DLC1: variants seen among roughly 807,000 people sequenced by gnomAD.
DLC1 encodes rho GTPase-activating protein 7.
A neutral mutation model predicts 140.3 loss-of-function variants in DLC1; 54 were observed. That is an observed-to-expected ratio of 0.38 (90% CI 0.31 to 0.48). The LOEUF is 0.48. Ranked by LOEUF, DLC1 falls within the 20% of genes least tolerant of loss-of-function variation. The pLI is 0.96. For missense variants in DLC1, 2,536 were observed against 1,907.0 expected, an observed-to-expected ratio of 1.33 and a Z score of -6.14; for synonymous variants, 986 against 728.1, an observed-to-expected ratio of 1.35 and a Z score of -5.70.
intron 5 of DLC1, among the ~76,000 whole-genome samples, chr8:13,179,629 G>A (rs147083451): frequency 2.0e-5 from 3 of 151,944 alleles, no homozygotes; most frequent in Non-Finnish European, 4.4e-5. Context: ...GCTGAGGTAG[G>A]AGGATTGCTT....
chr8:13,542,558 A>G (rs1343158518), intron 1 of DLC1, among the ~76,000 whole-genome samples: 1 of 152,108 alleles, frequency 6.6e-6, no homozygotes, highest in African/African-American at 2.4e-5. Flanking sequence ...CTTTGAAAGA[A>G]AGTCTTGGAT....
chr8:13,295,914 T>G (rs1342761301), intron 5 of DLC1, among the ~76,000 whole-genome samples: 1 of 146,092 alleles, frequency 6.8e-6, no homozygotes, highest in Non-Finnish European at 1.5e-5. Context: ...TTTGAAGACA[T>G]CTAAGAGATG....
chr8:13,604,585 C>G (rs749756190), exon 1 of DLC1: 1 of 152,190 alleles, frequency 6.6e-6, no homozygotes, highest in South Asian at 2.1e-4. Flanking sequence ...CAGATGAACT[C>G]ACTGCCAATG....
intron 5 of DLC1, among the ~76,000 whole-genome samples, chr8:13,156,091 C>A (rs1346353496): frequency 2.0e-5 from 3 of 152,136 alleles, no homozygotes; most frequent in Non-Finnish European, 2.9e-5. Context: ...GGTACATCAA[C>A]CCATCAAACC....
intron 2 of DLC1, among the ~76,000 whole-genome samples, chr8:13,440,842 T>A (rs1423968128): frequency 6.6e-6 from 1 of 152,160 alleles, no homozygotes; most frequent in Non-Finnish European, 1.5e-5. Flanking sequence ...GAAGTGCCTT[T>A]TGCTTCCCGC....
At chr8:13,390,277 C>T (rs533197787) in intron 4 of DLC1, among the ~76,000 whole-genome samples, 25 of 152,264 alleles carry the variant, frequency 1.6e-4, no homozygotes, top group Admixed American at 2.6e-4. Context: ...TTCATGCATG[C>T]CCCTGCAAAG....
intron 1 of DLC1, among the ~76,000 whole-genome samples, chr8:13,561,421 C>T (rs1486314945): frequency 2.0e-5 from 3 of 152,102 alleles, no homozygotes; most frequent in Non-Finnish European, 2.9e-5. Flanking sequence ...CTTAAAGATC[C>T]TCCTGCTTCA....
At chr8:13,188,823 A>ATG (rs1826558086) in intron 5 of DLC1, among the ~76,000 whole-genome samples, 2 of 38,976 alleles carry the variant, frequency 5.1e-5, no homozygotes, top group African/African-American at 8.7e-5. Flanking sequence ...ATATATATAT[A>ATG]TATGTATATA....
intron 3 of DLC1, among the ~76,000 whole-genome samples, chr8:13,396,617 C>T (rs1166222538): frequency 1.3e-5 from 2 of 152,118 alleles, no homozygotes; most frequent in Non-Finnish European, 2.9e-5. Flanking sequence ...AAAGTCGTAT[C>T]CCAAGGTAGA....
rs185723841 is a variant in DLC1, at chr8:13,321,515, C to T, written c.1315-16213G>A. Among the ~76,000 whole-genome samples, 253 of 121,142 alleles carry T rather than the reference C, an allele frequency of 2.1e-3. 2 individuals carry two copies. In the Admixed American group the frequency reaches 0.026, roughly 12 times the overall value. 79.5% of individuals were successfully genotyped at this position (121,142 alleles called of 152,430 possible). On this transcript the variant is annotated intron_variant, in intron 4 of 17. Transcript: ENST00000276297. ...ATCGCACCACTGCACTCCAGCCTAG[C>T]GACAGAGAGAGACTCAGTCTCAAAA... is the stretch of plus-strand genomic sequence containing the variant.
chr8:13,095,022 C>G (rs889220017), intron 11 of DLC1, 64 bp downstream of exon 11: 97 of 1,613,408 alleles, frequency 6.0e-5, no homozygotes, highest in Non-Finnish European at 7.6e-5. Context: ...CACCACACAA[C>G]TAGAAGAAGC....
At chr8:13,168,078 C>T (rs759536843) in intron 5 of DLC1, among the ~76,000 whole-genome samples, 1 of 152,122 alleles carries the variant, frequency 6.6e-6, no homozygotes, top group Non-Finnish European at 1.5e-5. Flanking sequence ...AGATTGGCCT[C>T]TCTAAGCCAC....
At chr8:13,598,763 C>T (rs1278880719) in intron 1 of DLC1, among the ~76,000 whole-genome samples, 1 of 151,888 alleles carries the variant, frequency 6.6e-6, no homozygotes, top group Non-Finnish European at 1.5e-5. Context: ...TAGAATGTGA[C>T]AAAGCAACTC....
intron 2 of DLC1, among the ~76,000 whole-genome samples, chr8:13,444,755 G>C (rs978022690): frequency 1.3e-5 from 2 of 152,108 alleles, no homozygotes; most frequent in Non-Finnish European, 2.9e-5. Context: ...TTCCATGTTA[G>C]AAGAGATTCA....
At chr8:13,307,231 T>A (rs1420819537) in intron 4 of DLC1, among the ~76,000 whole-genome samples, 4 of 152,110 alleles carry the variant, frequency 2.6e-5, no homozygotes, top group Non-Finnish European at 4.4e-5. Context: ...CTCCGCATGC[T>A]TCCAAAGATG....
At chr8:13,244,297 ATTTT>A (rs60357765) in intron 5 of DLC1, among the ~76,000 whole-genome samples, 3 of 135,980 alleles carry the variant, frequency 2.2e-5, no homozygotes, top group Non-Finnish European at 3.2e-5. Flanking sequence ...TCCCTTTCCA[ATTTT>A]TTTTTTTTTT....
At chr8:13,259,403 C>G (rs954511133) in intron 5 of DLC1, among the ~76,000 whole-genome samples, 1 of 152,038 alleles carries the variant, frequency 6.6e-6, no homozygotes, top group African/African-American at 2.4e-5. Context: ...TACAAAAACA[C>G]CCGGACAGAG....
At chr8:13,341,347 C>T (rs10503449) in intron 4 of DLC1, 4,914 of 152,190 alleles carry the variant, frequency 0.032, 115 homozygotes, top group South Asian at 0.096. Flanking sequence ...GCTTTGGGAA[C>T]GGACATGTGC....
chr8:13,472,367 A>G (rs1449613864), intron 2 of DLC1, among the ~76,000 whole-genome samples: 1 of 152,188 alleles, frequency 6.6e-6, no homozygotes, highest in Non-Finnish European at 1.5e-5. Flanking sequence ...AGGGAATGAG[A>G]AGGTGGAAAT....
Sources: gnomAD v4.1 joint callset for allele counts (sites outside exome capture counted in the v4.1 genomes callset) on GRCh38, gnomAD v4.1.1 for gene constraint, MANE v1.5 for transcripts, NCBI Gene and HGNC (gene_info 2026-07-23, HGNC 2026-07-21) for gene names.